The following IL1RAPL1 variants were observed in gnomAD, a reference collection of about 807,000 sequenced individuals.
IL1RAPL1 encodes the protein interleukin 1 receptor accessory protein like 1, also known as interleukin-1 receptor accessory protein-like 1.
Under a neutral mutation model 48.4 loss-of-function variants are expected in IL1RAPL1, and 3 were observed. The observed-to-expected ratio is 0.06, with a 90% CI of 0.03 to 0.16. IL1RAPL1 has a LOEUF of 0.16. Ranked by LOEUF, IL1RAPL1 falls within the 10% of genes least tolerant of loss-of-function variation. IL1RAPL1 has a pLI of 1.00. For missense variants in IL1RAPL1, 349 were observed against 530.6 expected (o/e 0.66, Z 3.36); for synonymous variants, 185 against 187.7 (o/e 0.99, Z 0.12).
chrX:29,238,363 A>G (rs958921761), intron 2 of IL1RAPL1, among the ~76,000 whole-genome samples: 4 of 112,257 alleles, frequency 3.6e-5, no homozygotes, highest in African/African-American at 1.3e-4. Context: ...TTAGTTAGCT[A>G]CAATGTTTTC....
At chrX:29,632,031 A>T (rs1924790829) in intron 5 of IL1RAPL1, among the ~76,000 whole-genome samples, 1 of 111,823 alleles carries the variant, frequency 8.9e-6, no homozygotes, top group Non-Finnish European at 1.9e-5. Flanking sequence ...TTCTCACCTT[A>T]CTGTGACTAA....
chrX:29,727,237 C>T (rs1390166305), intron 6 of IL1RAPL1, among the ~76,000 whole-genome samples: 1 of 111,990 alleles, frequency 8.9e-6, no homozygotes, highest in Non-Finnish European at 1.9e-5. Flanking sequence ...TTTTACTCCT[C>T]CCTCCCTATA....
At chrX:29,533,696 C>G (rs1182718836) in intron 5 of IL1RAPL1, among the ~76,000 whole-genome samples, 1 of 112,114 alleles carries the variant, frequency 8.9e-6, no homozygotes, top group African/African-American at 3.2e-5. Flanking sequence ...GACTGTACCA[C>G]TTTACATCCC....
intron 2 of IL1RAPL1, among the ~76,000 whole-genome samples, chrX:28,843,332 A>G (rs954619566): frequency 9.0e-6 from 1 of 110,781 alleles, no homozygotes; most frequent in Non-Finnish European, 1.9e-5. Context: ...CTTAATTTCT[A>G]TACCATAAAG....
chrX:29,731,895 T>C (rs1927928462), intron 6 of IL1RAPL1, among the ~76,000 whole-genome samples: 1 of 112,224 alleles, frequency 8.9e-6, no homozygotes, highest in African/African-American at 3.2e-5. Context: ...AAGCAGAACC[T>C]GGAAACACTG....
At chrX:29,773,991 A>G (rs11095160) in intron 6 of IL1RAPL1, among the ~76,000 whole-genome samples, 31,859 of 110,251 alleles carry the variant, frequency 0.29, 3,426 homozygotes, top group South Asian at 0.44. Context: ...CACACAACAC[A>G]TACAAATATA....
At chrX:28,775,032 T>C (rs1240034351) in intron 1 of IL1RAPL1, among the ~76,000 whole-genome samples, 1 of 112,312 alleles carries the variant, frequency 8.9e-6, no homozygotes, top group Non-Finnish European at 1.9e-5. Context: ...TCTAAGATGA[T>C]ATAAATTCTT....
intron 2 of IL1RAPL1, among the ~76,000 whole-genome samples, chrX:29,170,928 T>G (rs749317640): frequency 1.6e-3 from 181 of 111,483 alleles, no homozygotes; most frequent in African/African-American, 5.5e-3. Flanking sequence ...ACTATGACCA[T>G]GATTTGAATT....
At chrX:29,578,693 G>C (rs1014218821) in intron 5 of IL1RAPL1, among the ~76,000 whole-genome samples, 2 of 111,430 alleles carry the variant, frequency 1.8e-5, no homozygotes, top group Admixed American at 9.5e-5. Context: ...ATTTCTTACT[G>C]TCTTTATTTC....
intron 3 of IL1RAPL1, among the ~76,000 whole-genome samples, chrX:29,357,787 T>G (rs140696746): frequency 1.8e-3 from 200 of 112,205 alleles, no homozygotes; most frequent in African/African-American, 5.6e-3. Flanking sequence ...CATAACACAT[T>G]TGTTTAATCA....
intron 1 of IL1RAPL1, among the ~76,000 whole-genome samples, chrX:28,623,929 A>G (rs947620898): frequency 9.0e-6 from 1 of 111,560 alleles, no homozygotes; most frequent in Non-Finnish European, 1.9e-5. Flanking sequence ...GACATTTGGT[A>G]TTTCTTTCAT....
intron 3 of IL1RAPL1, among the ~76,000 whole-genome samples, chrX:29,380,190 A>G (rs1390102587): frequency 9.2e-6 from 1 of 109,154 alleles, no homozygotes; most frequent in Non-Finnish European, 1.9e-5. Flanking sequence ...GTGTGGGGAA[A>G]CAGACACACT....
chrX:28,759,485 A>T (rs888544133), intron 1 of IL1RAPL1, among the ~76,000 whole-genome samples: 2 of 110,542 alleles, frequency 1.8e-5, no homozygotes, highest in African/African-American at 6.6e-5. Context: ...AAAACTGATG[A>T]TTTTATAAAC....
rs1936758803 is a variant in IL1RAPL1 at position 28,808,710 on chromosome X, A to G, written c.82+19285A>G. ...TTTTTGGAAAACAAATTAGGTATTC[A>G]TTGCCAGCTTATAAATATGAAGCCT... is the stretch of plus-strand genomic sequence containing the variant. On this transcript the variant is annotated intron_variant, in intron 2 of 10. Transcript: ENST00000378993. 2.7e-5 allele frequency among the ~76,000 whole-genome samples: 3 copies of G among 111,061 alleles called. No individual in the cohort carries two copies. The South Asian group carries it at 1.1e-3, about 41-fold the overall frequency.
At chrX:28,841,259 G>A (rs746616170) in intron 2 of IL1RAPL1, among the ~76,000 whole-genome samples, 90 of 110,458 alleles carry the variant, frequency 8.1e-4, no homozygotes, top group African/African-American at 2.9e-3. Flanking sequence ...AGGAGATTCA[G>A]AACTTCTTAT....
chrX:29,048,209 A>C (rs1927018343), intron 2 of IL1RAPL1, among the ~76,000 whole-genome samples: 1 of 112,297 alleles, frequency 8.9e-6, no homozygotes, highest in Non-Finnish European at 1.9e-5. Context: ...ATGTAGTTCA[A>C]CTTACTACAT....
chrX:29,941,673 T>G lies in IL1RAPL1; in HGVS notation c.1080T>G (p.Leu360=), dbSNP rs746121011. ...TAGAGCTAATGTACACAGTGGAACTTGCTGGAGGCCTTGGTGCTATACTCT... is the reference window on the plus strand; with the variant it reads ...TAGAGCTAATGTACACAGTGGAACTGGCTGGAGGCCTTGGTGCTATACTCT... The part of the protein sequence containing the change: ...HKRELMYTVE[L]AGGLGAILLL... The change falls in exon 9 of 11, where the codon CTT becomes CTG. Residue 360 remains leucine (L), a synonymous_variant. Coordinates refer to ENST00000378993, the MANE Select transcript of IL1RAPL1 (RefSeq NM_014271.4). 31 of 1,209,341 alleles carry G rather than the reference T, an allele frequency of 2.6e-5. No individual in the cohort carries two copies. The highest frequency in any genetic ancestry group is 3.4e-5 in the Non-Finnish European group (30 of 894,434).
chrX:29,333,639 C>G (rs1412913277), intron 3 of IL1RAPL1, among the ~76,000 whole-genome samples: 1 of 84,535 alleles, frequency 1.2e-5, no homozygotes, highest in Non-Finnish European at 2.3e-5. Context: ...GGGCTCCTCA[C>G]TTCCCAGTAG....
intron 3 of IL1RAPL1, among the ~76,000 whole-genome samples, chrX:29,390,584 A>G (rs911246295): frequency 2.7e-5 from 3 of 111,731 alleles, no homozygotes; most frequent in African/African-American, 9.8e-5. Flanking sequence ...TAGTGATCCT[A>G]TTAGAGGATA....
Sources: gnomAD v4.1 joint callset for allele counts (sites outside exome capture counted in the v4.1 genomes callset) on GRCh38, gnomAD v4.1.1 for gene constraint, MANE v1.5 for transcripts, NCBI Gene and HGNC (gene_info 2026-07-23, HGNC 2026-07-21) for gene names.